LRRIQ1: variants seen among roughly 807,000 people sequenced by gnomAD.
LRRIQ1 encodes the protein leucine-rich repeat- and IQ domain-containing protein 1.
In LRRIQ1, 210 loss-of-function variants were observed where a neutral mutation model predicts 211.9. The observed-to-expected ratio is 0.99, with a 90% confidence interval of 0.89 to 1.11. The LOEUF (loss-of-function observed/expected upper bound fraction) is 1.11, where lower values mean the gene tolerates loss of function less well. Ranked by LOEUF, LRRIQ1 falls within the 50% of genes most tolerant of loss-of-function variation. LRRIQ1 has a pLI of 0.00. For synonymous variants in LRRIQ1, 699 were observed against 650.1 expected (o/e 1.08, Z -1.14); for missense variants, 2,136 against 1,939.5 (o/e 1.10, Z -1.90).
chr12:85,209,625 T>C (rs1362116496), intron 24 of LRRIQ1, among the ~76,000 whole-genome samples: 1 of 152,230 alleles, frequency 6.6e-6, no homozygotes. Context: ...CTCAGGCTAG[T>C]AGTTAAACAC....
At chr12:85,127,369 G>A (rs981176376) in intron 17 of LRRIQ1, among the ~76,000 whole-genome samples, 1 of 152,110 alleles carries the variant, frequency 6.6e-6, no homozygotes, top group Non-Finnish European at 1.5e-5. Flanking sequence ...AAGCTCCTAA[G>A]CACCTGATAG....
intron 1 of LRRIQ1, 60 bp downstream of exon 1, chr12:85,036,467 C>G (rs1308164410): frequency 1.3e-5 from 2 of 152,268 alleles, no homozygotes; most frequent in Non-Finnish European, 2.9e-5. Flanking sequence ...TGTGGGAGCT[C>G]AGGCCGAGCC....
Position 85,160,680 on chromosome 12 carries a change from G to A in LRRIQ1, c.4788G>A (p.Lys1596=). 6.2e-7 allele frequency: 1 copy of A among 1,610,424 alleles called. No individual in the cohort carries two copies. ...AAGTGTCTCTTCCAAAATCACCAAA[G>A]ATGGTACAGCCCAGAAGAGATGGTT... ...ENKVSLPKSP[K]MVQPRRDGYF... is the part of the protein sequence containing the mutation. Residue 1596 remains lysine, a synonymous_variant, in exon 24 of 27, where the codon AAG becomes AAA. Transcript: ENST00000393217.
chr12:85,101,863 T>TA (rs948896351), intron 13 of LRRIQ1, among the ~76,000 whole-genome samples: 2 of 151,558 alleles, frequency 1.3e-5, no homozygotes, highest in South Asian at 4.1e-4. Context: ...TTTTTGATTC[T>TA]AAAAAAAATT....
chr12:85,154,541 G>A (rs1042291863), intron 23 of LRRIQ1, among the ~76,000 whole-genome samples: 2 of 151,232 alleles, frequency 1.3e-5, no homozygotes, highest in African/African-American at 4.8e-5. Context: ...GAAAAGCAAA[G>A]TTTATATATT....
intron 16 of LRRIQ1, among the ~76,000 whole-genome samples, chr12:85,122,993 T>C (rs994181100): frequency 1.3e-5 from 2 of 151,982 alleles, no homozygotes; most frequent in Non-Finnish European, 2.9e-5. Context: ...AGAAAGAAAA[T>C]TCTAATTTTA....
At chr12:85,229,795 T>C (rs1894847140) in intron 25 of LRRIQ1, 146 bp downstream of exon 25, 2 of 678,936 alleles carry the variant, frequency 2.9e-6, no homozygotes, top group South Asian at 4.2e-5. Flanking sequence ...GCCTTTCATA[T>C]AGAATAGATT....
At chr12:85,070,536 C>T (rs1396192550) in intron 10 of LRRIQ1, among the ~76,000 whole-genome samples, 1 of 151,954 alleles carries the variant, frequency 6.6e-6, no homozygotes, top group Non-Finnish European at 1.5e-5. Flanking sequence ...GTCTTAGTGA[C>T]TCTAGTTACT....
At chr12:85,199,124 C>A (rs983569340) in intron 24 of LRRIQ1, among the ~76,000 whole-genome samples, 1 of 152,094 alleles carries the variant, frequency 6.6e-6, no homozygotes, top group African/African-American at 2.4e-5. Context: ...AATTAGGCCC[C>A]ATTTATTAAG....
chr12:85,038,191 T>C lies in LRRIQ1; in HGVS notation c.15T>C (p.Asp5=), dbSNP rs1878416809. ...TATGAAGAATAATGGACGATGATGA[T>C]GCAAAGCTCAAAGCAGAAATAGAAG... is the stretch of plus-strand genomic sequence containing the variant. MDDD[D]AKLKAEIEAE... is the part of the protein sequence containing the mutation. The change falls in exon 2 of 27, where the codon GAT becomes GAC. Residue 5 remains aspartate (D), a synonymous_variant. Coordinates refer to ENST00000393217, the MANE Select transcript of LRRIQ1 (RefSeq NM_001079910.2). 3.8e-6 allele frequency: 6 copies of C among 1,566,196 alleles called. No individual in the cohort carries two copies. The African/African-American group carries it at 8.2e-5, about 21-fold the overall frequency.
At position 85,039,209 on chromosome 12, in the gene LRRIQ1, T is replaced by A. The variant is rs567823688; in HGVS notation, c.132+901T>A. ...TGTTTTATATTTTATTATACCTTTT[T>A]ATATAAAGGAAGAAGAAAATTTTAA... On this transcript the variant is annotated intron_variant, in intron 2 of 26. Coordinates refer to ENST00000393217, the MANE Select transcript of LRRIQ1 (RefSeq NM_001079910.2). Among the ~76,000 whole-genome samples the A allele has an allele frequency of 4.2e-4, 64 of 151,426 alleles. 1 individual carries two copies. Among genetic ancestry groups the A allele is most frequent in the Non-Finnish European group, 5.2e-4 (35 of 67,466 alleles).
chr12:85,084,795 G>A (rs1292601452), intron 11 of LRRIQ1, among the ~76,000 whole-genome samples: 6 of 151,722 alleles, frequency 4.0e-5, no homozygotes, highest in African/African-American at 9.7e-5. Context: ...GCATGGTGGC[G>A]CATGCCTGTA....
chr12:85,152,027 A>C (rs1021043114), intron 19 of LRRIQ1, among the ~76,000 whole-genome samples: 1 of 151,724 alleles, frequency 6.6e-6, no homozygotes, highest in Non-Finnish European at 1.5e-5. Context: ...AAGAGTCTGC[A>C]CCTCATTTTT....
chr12:85,192,941 T>C (rs3991873), intron 24 of LRRIQ1, among the ~76,000 whole-genome samples: 973 of 67,168 alleles, frequency 0.014, 8 homozygotes, highest in African/African-American at 0.073. Context: ...TATAATTATA[T>C]ATAAATATAT....
chr12:85,096,551 A>G (rs368108320), intron 11 of LRRIQ1, among the ~76,000 whole-genome samples: 1 of 152,096 alleles, frequency 6.6e-6, no homozygotes, highest in African/African-American at 2.4e-5. Context: ...GTGTGTTTTA[A>G]TTCATTCAGA....
chr12:85,203,110 T>C (rs184227445), intron 24 of LRRIQ1, among the ~76,000 whole-genome samples: 1 of 152,234 alleles, frequency 6.6e-6, no homozygotes, highest in East Asian at 1.9e-4. Flanking sequence ...GCTTCCCCCA[T>C]AGTGTTCTCG....
At chr12:85,162,876 T>G (rs1248222290) in intron 24 of LRRIQ1, 1 of 425,856 alleles carries the variant, frequency 2.3e-6, no homozygotes, top group Non-Finnish European at 4.6e-6. Flanking sequence ...TGCTATAGGT[T>G]TTTGTTGTTG....
At chr12:85,068,362 C>T (rs1370579568) in intron 10 of LRRIQ1, among the ~76,000 whole-genome samples, 1 of 151,656 alleles carries the variant, frequency 6.6e-6, no homozygotes, top group Non-Finnish European at 1.5e-5. Context: ...ATTAGTTTTG[C>T]TTGTTTGTGT....
intron 24 of LRRIQ1, among the ~76,000 whole-genome samples, chr12:85,176,136 G>A (rs1308798422): frequency 6.6e-6 from 1 of 152,106 alleles, no homozygotes; most frequent in African/African-American, 2.4e-5. Context: ...TCCTACCCAT[G>A]AGCATGGAAT....
Sources: allele counts gnomAD v4.1 joint callset (sites outside exome capture counted in the v4.1 genomes callset), GRCh38; gene constraint gnomAD v4.1.1; transcripts MANE v1.5; gene names NCBI Gene and HGNC (gene_info 2026-07-23, HGNC 2026-07-21).